The following ZNF578 variants were observed in gnomAD, a reference collection of about 807,000 sequenced individuals.
ZNF578 encodes the protein Putative chemokine-related protein B42.
ZNF578 carries 8 observed loss-of-function variants against 8.3 expected under a neutral mutation model. The ratio of observed to expected loss-of-function variants is 0.96; its 90% CI spans 0.56 to 1.74. The LOEUF is 1.74. Among genes scored for constraint, ZNF578 ranks in the 40% most tolerant of loss-of-function variants. The pLI is 0.00. For missense variants in ZNF578, 726 were observed against 707.5 expected (o/e 1.03, Z -0.30); for synonymous variants, 206 against 232.2 (o/e 0.89, Z 1.03).
chr19:52,512,762 C>G lies in ZNF578; in HGVS notation c.*608C>G, dbSNP rs963935639. Among the ~76,000 whole-genome samples the G allele has an allele frequency of 6.6e-6, 1 of 152,184 alleles. No individual in the cohort carries two copies. Among genetic ancestry groups the G allele is most frequent in the African/African-American group, 2.4e-5 (1 of 41,456 alleles). On this transcript the variant is annotated 3_prime_UTR_variant, in exon 6 of 6. Coordinates refer to ENST00000421239, the MANE Select transcript of ZNF578 (RefSeq NM_001099694.2). ...AAAATTCATTTTTGAGATAACTGTT[C>G]CCAATGCAGTGAGTATAGCAAACCA...
Position 52,468,516 on chromosome 19 carries a change from T to C in ZNF578, c.-122+11558T>C, listed in dbSNP as rs193174755. Among the ~76,000 whole-genome samples, 205 of 152,298 alleles carry C rather than the reference T, an allele frequency of 1.3e-3. 1 individual carries two copies. The highest frequency in any genetic ancestry group is 2.1e-3 in the Non-Finnish European group (145 of 68,008). ...CAAGAGTAAACATTCAGTGTTATCC[T>C]AAAGAGTTAGACTTCATTTTGTGAT... On this transcript the variant is annotated intron_variant, in intron 2 of 5. Transcript: ENST00000421239.
intron 3 of ZNF578, among the ~76,000 whole-genome samples, chr19:52,499,805 A>G (rs1035839297): frequency 1.3e-5 from 2 of 150,680 alleles, no homozygotes; most frequent in Non-Finnish European, 3.0e-5. Flanking sequence ...CCTGCCTCAG[A>G]CTCCCGAGTA....
chr19:52,489,873 A>T (rs185359247), intron 2 of ZNF578, among the ~76,000 whole-genome samples: 1 of 151,984 alleles, frequency 6.6e-6, no homozygotes, highest in East Asian at 2.0e-4. Flanking sequence ...AGCCAGGATG[A>T]TCTCTATCTC....
At chr19:52,501,937 C>A in intron 4 of ZNF578, 29 bp downstream of exon 4, 1 of 1,607,532 alleles carries the variant, frequency 6.2e-7, no homozygotes, top group South Asian at 1.1e-5. Context: ...GTGGATTAAT[C>A]TGTCTCTTTC....
At chr19:52,499,928 C>G (rs1039807758) in intron 3 of ZNF578, among the ~76,000 whole-genome samples, 1 of 152,096 alleles carries the variant, frequency 6.6e-6, no homozygotes, top group African/African-American at 2.4e-5. Context: ...CATCTCCTAC[C>G]TGTGCCCTCC....
At chr19:52,476,384 C>T (rs902419297) in intron 2 of ZNF578, among the ~76,000 whole-genome samples, 2 of 152,100 alleles carry the variant, frequency 1.3e-5, no homozygotes, top group African/African-American at 4.8e-5. Flanking sequence ...CATTGATCGA[C>T]CCATACAGGT....
At chr19:52,494,494 C>T (rs1231287215) in intron 3 of ZNF578, among the ~76,000 whole-genome samples, 3 of 152,060 alleles carry the variant, frequency 2.0e-5, no homozygotes, top group Non-Finnish European at 2.9e-5. Flanking sequence ...AAGACCCTGT[C>T]TTAAAAGAAA....
intron 2 of ZNF578, among the ~76,000 whole-genome samples, chr19:52,489,380 G>A (rs756987787): frequency 2.0e-4 from 30 of 151,978 alleles, no homozygotes; most frequent in Non-Finnish European, 3.1e-4. Flanking sequence ...ACCTGACGTC[G>A]GGGGTTGGAG....
intron 2 of ZNF578, among the ~76,000 whole-genome samples, chr19:52,476,909 G>A (rs770117176): frequency 3.9e-5 from 6 of 152,198 alleles, no homozygotes; most frequent in East Asian, 1.9e-4. Context: ...GAGTTTATGG[G>A]TTGGGATAGA....
intron 2 of ZNF578, among the ~76,000 whole-genome samples, chr19:52,476,283 G>A (rs558328074): frequency 1.3e-5 from 2 of 152,246 alleles, no homozygotes; most frequent in South Asian, 4.2e-4. Context: ...ACAAACACTG[G>A]TGAATTCCAG....
Position 52,498,842 on chromosome 19 carries a change from C to A in ZNF578, c.-19-2985C>A, listed in dbSNP as rs184485864. 7.2e-5 allele frequency among the ~76,000 whole-genome samples: 11 copies of A among 152,170 alleles called. No individual in the cohort carries two copies. In the East Asian group the frequency reaches 2.1e-3, roughly 29 times the overall value. ...GAACCACAGATGCACGCCACGATGCCTGGCTAATTTTTTGTATTTTTGTTA... is the reference window on the plus strand; with the variant it reads ...GAACCACAGATGCACGCCACGATGCATGGCTAATTTTTTGTATTTTTGTTA... On this transcript the variant is annotated intron_variant, in intron 3 of 5. Coordinates refer to ENST00000421239, the MANE Select transcript of ZNF578 (RefSeq NM_001099694.2).
chr19:52,483,684 A>G (rs2059335064), intron 2 of ZNF578, among the ~76,000 whole-genome samples: 1 of 152,136 alleles, frequency 6.6e-6, no homozygotes, highest in Non-Finnish European at 1.5e-5. Context: ...TATGTTTTAT[A>G]TTTTACGCAC....
chr19:52,500,604 A>G (rs1435545392), intron 3 of ZNF578, among the ~76,000 whole-genome samples: 1 of 151,534 alleles, frequency 6.6e-6, no homozygotes, highest in Non-Finnish European at 1.5e-5. Flanking sequence ...GACGGTGTCG[A>G]CCTCTTGACC....
In ZNF578 at chr19:52,505,217, C is replaced by T. The variant is rs531369931; in HGVS notation, c.190+436C>T. Among the ~76,000 whole-genome samples, 12 of 151,898 alleles carry T rather than the reference C, an allele frequency of 7.9e-5. No homozygotes were observed. In the East Asian group the frequency reaches 1.8e-3, roughly 22 times the overall value. On this transcript the variant is annotated intron_variant, in intron 5 of 5. Coordinates refer to ENST00000421239, the MANE Select transcript of ZNF578 (RefSeq NM_001099694.2). ...TGGTTTTTGAGGAGCATCACAGAAG[C>T]GTCTCTCACTGGCACTGTGACAATG...
At chr19:52,483,838 G>A (rs1417920982) in intron 2 of ZNF578, among the ~76,000 whole-genome samples, 1 of 152,112 alleles carries the variant, frequency 6.6e-6, no homozygotes, top group Non-Finnish European at 1.5e-5. Flanking sequence ...GTATTCACTT[G>A]AACTCATATG....
chr19:52,494,497 A>T (rs977229779), intron 3 of ZNF578, among the ~76,000 whole-genome samples: 15 of 152,348 alleles, frequency 9.8e-5, no homozygotes, highest in African/African-American at 3.4e-4. Flanking sequence ...ACCCTGTCTT[A>T]AAAGAAAAAA....
rs1164629700 is a variant in ZNF578, at chr19:52,459,769, A to ATTTTTTTTTT, written c.-122+2826_-122+2835dup. Among the ~76,000 whole-genome samples, 5 of 17,620 alleles carry ATTTTTTTTTT rather than the reference A, an allele frequency of 2.8e-4. 1 individual carries two copies. The highest frequency in any genetic ancestry group is 1.8e-3 in the Admixed American group (1 of 552). The allele number at this position is 17,620 out of a possible 152,430, so 11.6% of individuals were successfully genotyped here. On this transcript the variant is annotated intron_variant, in intron 2 of 5. Coordinates refer to ENST00000421239, the MANE Select transcript of ZNF578 (RefSeq NM_001099694.2). ...TGTGTGTGTATATATATATATATAT[A>ATTTTTTTTTT]TTTTTTTTTTTTTTTTTTTTTTTTG... is the stretch of plus-strand genomic sequence containing the variant.
chr19:52,505,106 C>G (rs1278370732), intron 5 of ZNF578, among the ~76,000 whole-genome samples: 1 of 152,186 alleles, frequency 6.6e-6, no homozygotes, highest in Non-Finnish European at 1.5e-5. Context: ...AGGCTCGTCT[C>G]TAACTCCCGA....
chr19:52,485,948 A>G (rs1349918255), intron 2 of ZNF578, among the ~76,000 whole-genome samples: 1 of 152,138 alleles, frequency 6.6e-6, no homozygotes, highest in East Asian at 1.9e-4. Context: ...CCCCAGCCCG[A>G]CACCCATAAA....
Sources: gnomAD v4.1 joint callset for allele counts (sites outside exome capture counted in the v4.1 genomes callset) on GRCh38, gnomAD v4.1.1 for gene constraint, MANE v1.5 for transcripts, NCBI Gene and HGNC (gene_info 2026-07-23, HGNC 2026-07-21) for gene names.